DLG2: variants seen among roughly 807,000 people sequenced by gnomAD.
The protein encoded by DLG2 is discs large MAGUK scaffold protein 2.
In DLG2, 45 loss-of-function variants were observed where a neutral mutation model predicts 132.5. The ratio of observed to expected loss-of-function variants is 0.34; its 90% confidence interval spans 0.27 to 0.44. DLG2 has a LOEUF of 0.44. Ranked by LOEUF, DLG2 falls within the 20% of genes least tolerant of loss-of-function variation. The pLI is 1.00. For missense variants in DLG2, 1,045 were observed against 1,196.9 expected, an observed-to-expected ratio of 0.87 and a Z score of 1.87; for synonymous variants, 424 against 419.6, an observed-to-expected ratio of 1.01 and a Z score of -0.13.
chr11:85,085,035 C>G (rs1347692283), intron 6 of DLG2, among the ~76,000 whole-genome samples: 1 of 152,130 alleles, frequency 6.6e-6, no homozygotes, highest in Non-Finnish European at 1.5e-5. Flanking sequence ...CTTTGTATAT[C>G]TACCTCCAAA....
At chr11:84,929,568 G>C (rs1008163649) in intron 6 of DLG2, among the ~76,000 whole-genome samples, 5 of 152,042 alleles carry the variant, frequency 3.3e-5, no homozygotes, top group Non-Finnish European at 7.4e-5. Context: ...AAGCAGCACT[G>C]CTATCAGTGA....
intron 6 of DLG2, among the ~76,000 whole-genome samples, chr11:85,001,278 T>C (rs751593677): frequency 8.6e-5 from 13 of 152,042 alleles, no homozygotes; most frequent in Non-Finnish European, 1.3e-4. Context: ...TATTATTTGT[T>C]GTAGAGACAG....
At chr11:83,532,630 T>G in intron 21 of DLG2, 78 bp downstream of exon 21, 1 of 1,279,020 alleles carries the variant, frequency 7.8e-7, no homozygotes, top group Non-Finnish European at 1.1e-6. Flanking sequence ...TGTTTGCTAC[T>G]GAAAGCCTAA....
At chr11:85,450,602 T>G (rs766162410) in intron 3 of DLG2, among the ~76,000 whole-genome samples, 6 of 152,194 alleles carry the variant, frequency 3.9e-5, no homozygotes, top group African/African-American at 1.2e-4. Flanking sequence ...TATCTTATAT[T>G]AGAGATTTTT....
chr11:85,101,422 T>C (rs207472113), intron 6 of DLG2, among the ~76,000 whole-genome samples: 1 of 152,162 alleles, frequency 6.6e-6, no homozygotes, highest in Non-Finnish European at 1.5e-5. Context: ...ACTGAAATAC[T>C]GATTTAGTAC....
intron 7 of DLG2, among the ~76,000 whole-genome samples, chr11:84,450,585 A>C (rs775634880): frequency 2.6e-5 from 4 of 151,696 alleles, no homozygotes; most frequent in Non-Finnish European, 5.9e-5. Context: ...AGAATGATGA[A>C]GGTGGTAGAA....
At chr11:85,498,741 C>T (rs2093726262) in intron 3 of DLG2, among the ~76,000 whole-genome samples, 1 of 152,196 alleles carries the variant, frequency 6.6e-6, no homozygotes. Context: ...TCTCAGACCA[C>T]AGTGCAATCA....
chr11:83,516,178 C>G (rs1248906998), intron 21 of DLG2, among the ~76,000 whole-genome samples: 1 of 152,158 alleles, frequency 6.6e-6, no homozygotes, highest in East Asian at 1.9e-4. Flanking sequence ...TTGTAGGTCT[C>G]TAAGGACTTG....
intron 6 of DLG2, among the ~76,000 whole-genome samples, chr11:84,885,708 G>T (rs2088158133): frequency 6.6e-6 from 1 of 152,024 alleles, no homozygotes; most frequent in Admixed American, 6.6e-5. Flanking sequence ...TGCATAGTAG[G>T]TATTCATGAA....
At chr11:84,359,865 A>G (rs1466598022) in intron 7 of DLG2, among the ~76,000 whole-genome samples, 1 of 151,938 alleles carries the variant, frequency 6.6e-6, no homozygotes, top group Non-Finnish European at 1.5e-5. Context: ...ACTTGGTTCT[A>G]AATCTTGGCA....
At chr11:85,523,154 A>G (rs2074450844) in intron 3 of DLG2, among the ~76,000 whole-genome samples, 1 of 152,200 alleles carries the variant, frequency 6.6e-6, no homozygotes, top group Admixed American at 6.5e-5. Flanking sequence ...TCTCATGACA[A>G]TGAATGAGTT....
chr11:84,892,176 A>T (rs935677046), intron 6 of DLG2, among the ~76,000 whole-genome samples: 2 of 152,178 alleles, frequency 1.3e-5, no homozygotes, highest in East Asian at 3.9e-4. Flanking sequence ...GTTGTGACAC[A>T]TGAAAGGCAA....
At chr11:84,713,838 A>G (rs2060713510) in intron 6 of DLG2, among the ~76,000 whole-genome samples, 1 of 152,126 alleles carries the variant, frequency 6.6e-6, no homozygotes, top group Non-Finnish European at 1.5e-5. Flanking sequence ...TTATTCCCCA[A>G]GATGTTGATT....
At chr11:85,529,994 T>G (rs567520922) in intron 3 of DLG2, among the ~76,000 whole-genome samples, 1,865 of 149,360 alleles carry the variant, frequency 0.012, 37 homozygotes, top group African/African-American at 0.044. Context: ...TTTGTTTTTT[T>G]TTTTTTTTTT....
intron 7 of DLG2, among the ~76,000 whole-genome samples, chr11:84,511,210 A>C (rs945438556): frequency 4.0e-5 from 6 of 151,702 alleles, no homozygotes; most frequent in South Asian, 4.2e-4. Flanking sequence ...CAAGTGTGGA[A>C]TTTTTTTTTC....
intron 3 of DLG2, among the ~76,000 whole-genome samples, chr11:85,386,568 C>T (rs2086343415): frequency 6.6e-6 from 1 of 151,868 alleles, no homozygotes; most frequent in South Asian, 2.1e-4. Context: ...GTTCCTTGCA[C>T]ATAGGTACAT....
intron 7 of DLG2, among the ~76,000 whole-genome samples, chr11:84,359,485 A>G (rs926549306): frequency 1.3e-5 from 2 of 152,060 alleles, no homozygotes; most frequent in Non-Finnish European, 2.9e-5. Context: ...GTTATTAGCA[A>G]AGGTTACGTG....
intron 7 of DLG2, among the ~76,000 whole-genome samples, chr11:84,339,916 A>C (rs1220520217): frequency 3.3e-5 from 5 of 152,168 alleles, no homozygotes; most frequent in Non-Finnish European, 1.5e-5. Flanking sequence ...TAATTTCTTC[A>C]GTATCAGTAA....
At chr11:85,426,006 G>A (rs186090566) in intron 3 of DLG2, among the ~76,000 whole-genome samples, 16 of 152,290 alleles carry the variant, frequency 1.1e-4, no homozygotes, top group African/African-American at 1.9e-4. Flanking sequence ...CGCCTGATTC[G>A]GAGGGTCCTA....
Sources: allele counts gnomAD v4.1 joint callset (sites outside exome capture counted in the v4.1 genomes callset), GRCh38; gene constraint gnomAD v4.1.1; transcripts MANE v1.5; gene names NCBI Gene and HGNC (gene_info 2026-07-23, HGNC 2026-07-21).